Variants in RHBDF2 observed in about 807,000 individuals in gnomAD.
RHBDF2 encodes the protein inactive rhomboid protein 2.
In RHBDF2, 38 loss-of-function variants were observed where a neutral mutation model predicts 95.2. The observed-to-expected ratio is 0.40, with a 90% CI of 0.31 to 0.52. RHBDF2 has a LOEUF of 0.52. RHBDF2 is among the 20% of genes least tolerant of loss of function. The probability of loss-of-function intolerance (pLI) is 0.56; values close to 1 mark genes in which losing one functional copy is unlikely to be tolerated. For missense variants in RHBDF2, 863 were observed against 1,137.7 expected, an observed-to-expected ratio of 0.76 and a Z score of 3.47; for synonymous variants, 442 against 462.0, an observed-to-expected ratio of 0.96 and a Z score of 0.55.
intron 1 of RHBDF2, among the ~76,000 whole-genome samples, chr17:76,497,612 A>G (rs1457997226): frequency 6.6e-6 from 1 of 152,102 alleles, no homozygotes; most frequent in Non-Finnish European, 1.5e-5. Flanking sequence ...CATTATCACG[A>G]TGGCTCCCCG....
intron 17 of RHBDF2, 56 bp from the exon 18 acceptor site, chr17:76,472,895 G>A: frequency 1.9e-6 from 3 of 1,575,720 alleles, no homozygotes; most frequent in Non-Finnish European, 1.7e-6. Flanking sequence ...AGGAGCAGTA[G>A]GCTTCGGCAG....
chr17:76,486,115 C>CAT (rs1555617929), intron 2 of RHBDF2, among the ~76,000 whole-genome samples: 1,633 of 143,694 alleles, frequency 0.011, 18 homozygotes, highest in Non-Finnish European at 0.018. Context: ...CACACACACA[C>CAT]ATATAGTTTT....
At chr17:76,498,949 TG>T (rs924957736) in intron 1 of RHBDF2, among the ~76,000 whole-genome samples, 2 of 151,646 alleles carry the variant, frequency 1.3e-5, no homozygotes, top group African/African-American at 4.8e-5. Context: ...GTGGGGCTCT[TG>T]GGTGGGGCCT....
Position 76,479,028 on chromosome 17 carries a change from G to A in RHBDF2, c.469-19C>T, listed in dbSNP as rs1317500750. The A allele has an allele frequency of 1.9e-6, 3 of 1,608,356 alleles. No individual in the cohort carries two copies. The highest frequency in any genetic ancestry group is 2.7e-5 in the African/African-American group (2 of 74,856). On this transcript the variant is annotated intron_variant, in intron 5 of 18. Coordinates refer to ENST00000675367, the MANE Select transcript of RHBDF2 (RefSeq NM_001005498.4). ...CCACAATCTGGAAGGGAGGGGGGCG[G>A]TAAGCAGAGCCATTAGGGTCCCCAC...
chr17:76,480,823 GGGT>G (rs2073942277), intron 3 of RHBDF2, among the ~76,000 whole-genome samples: 1 of 152,160 alleles, frequency 6.6e-6, no homozygotes, highest in African/African-American at 2.4e-5. Context: ...CAGAGCTCTC[GGGT>G]GAACGGGGGG....
chr17:76,479,355 C>T (rs1197199257), intron 4 of RHBDF2, 78 bp from the exon 5 acceptor site: 1 of 1,534,016 alleles, frequency 6.5e-7, no homozygotes, highest in Non-Finnish European at 8.7e-7. Context: ...GGGGTGATGG[C>T]ACGTGTGTGC....
intron 2 of RHBDF2, among the ~76,000 whole-genome samples, chr17:76,486,383 G>A (rs560990154): frequency 6.6e-6 from 1 of 152,226 alleles, no homozygotes; most frequent in South Asian, 2.1e-4. Flanking sequence ...GAGATTACAG[G>A]TGTGAGCCAC....
At chr17:76,501,216 GCGGGCAC>G (rs1299599131) in intron 1 of RHBDF2, 130 bp downstream of exon 1, 1 of 152,220 alleles carries the variant, frequency 6.6e-6, no homozygotes, top group Non-Finnish European at 1.5e-5. Flanking sequence ...GCTCCGCAGG[GCGGGCAC>G]CGGGCACTGG....
At chr17:76,474,635 G>A in intron 11 of RHBDF2, 95 bp downstream of exon 11, 1 of 1,611,852 alleles carries the variant, frequency 6.2e-7, no homozygotes, top group Non-Finnish European at 8.5e-7. Flanking sequence ...CTGATGAGGG[G>A]CCTGCGGGTG....
intron 7 of RHBDF2, 76 bp downstream of exon 7, chr17:76,477,581 G>A: frequency 6.6e-7 from 1 of 1,506,334 alleles, no homozygotes; most frequent in Non-Finnish European, 9.2e-7. Flanking sequence ...TCCTGAATAT[G>A]ATCAATGCCA....
chr17:76,481,353 G>A, intron 3 of RHBDF2, 22 bp downstream of exon 3: 1 of 1,599,096 alleles, frequency 6.3e-7, no homozygotes, highest in Non-Finnish European at 8.5e-7. Context: ...AGAACAGTGA[G>A]CCCCCAGGCC....
At chr17:76,501,323 G>C (rs1002761097) in intron 1 of RHBDF2, 30 bp downstream of exon 1, 1 of 152,162 alleles carries the variant, frequency 6.6e-6, no homozygotes, top group African/African-American at 2.4e-5. Context: ...GCGGCCGTGA[G>C]TCCTGCCCCG....
chr17:76,477,453 G>A (rs1398170493), intron 7 of RHBDF2, among the ~76,000 whole-genome samples, 155 bp from the exon 8 acceptor site: 10 of 151,960 alleles, frequency 6.6e-5, no homozygotes, highest in Admixed American at 6.6e-4. Flanking sequence ...TGACTTTCCC[G>A]GGTGGCACTG....
intron 1 of RHBDF2, among the ~76,000 whole-genome samples, chr17:76,497,685 C>T (rs764543489): frequency 1.4e-4 from 21 of 152,100 alleles, no homozygotes; most frequent in Non-Finnish European, 2.4e-4. Context: ...CGGGAGTCCT[C>T]ACCTCACACA....
At chr17:76,476,654 C>T (rs111613103) in intron 9 of RHBDF2, 176 bp downstream of exon 9, 5 of 950,528 alleles carry the variant, frequency 5.3e-6, no homozygotes, top group Admixed American at 3.0e-5. Flanking sequence ...TGGCCCTTCC[C>T]AGGTCATGTG....
intron 7 of RHBDF2, 93 bp from the exon 8 acceptor site, chr17:76,477,391 G>T: frequency 7.0e-7 from 1 of 1,428,310 alleles, no homozygotes; most frequent in East Asian, 2.3e-5. Flanking sequence ...CAGCTGAACA[G>T]ACGGGCTCTT....
At chr17:76,488,804 C>T (rs1217619368) in intron 1 of RHBDF2, among the ~76,000 whole-genome samples, 5 of 151,598 alleles carry the variant, frequency 3.3e-5, no homozygotes, top group Admixed American at 6.6e-5. Flanking sequence ...AAAAAGTAGC[C>T]GGGTGTGGTG....
At chr17:76,496,964 G>A (rs758678898) in intron 1 of RHBDF2, among the ~76,000 whole-genome samples, 20 of 152,022 alleles carry the variant, frequency 1.3e-4, no homozygotes, top group East Asian at 5.8e-4. Context: ...GGGTTTCACC[G>A]TATTAGCCAG....
At chr17:76,474,284 A>G in intron 12 of RHBDF2, 89 bp downstream of exon 12, 1 of 1,462,102 alleles carries the variant, frequency 6.8e-7, no homozygotes, top group Non-Finnish European at 9.4e-7. Context: ...GGGAGGAGGG[A>G]ACGTGGTCAC....
Sources: allele counts gnomAD v4.1 joint callset (sites outside exome capture counted in the v4.1 genomes callset), GRCh38; gene constraint gnomAD v4.1.1; transcripts MANE v1.5; gene names NCBI Gene and HGNC (gene_info 2026-07-23, HGNC 2026-07-21).